The following LTBP1 variants were observed in gnomAD, a reference collection of about 807,000 sequenced individuals.
The protein encoded by LTBP1 is latent-transforming growth factor beta-binding protein 1.
Under a neutral mutation model 207.6 loss-of-function variants are expected in LTBP1, and 129 were observed. That is an observed-to-expected ratio of 0.62 (90% CI 0.54 to 0.72). The LOEUF is 0.72. Among genes scored for constraint, LTBP1 ranks in the 30% least tolerant of loss-of-function variants. The pLI is 0.00. For missense variants in LTBP1, 2,281 were observed against 2,217.2 expected (o/e 1.03, Z -0.58); for synonymous variants, 963 against 833.7 (o/e 1.16, Z -2.67).
intron 10 of LTBP1, among the ~76,000 whole-genome samples, chr2:33,251,640 C>T (rs150914833): frequency 0.037 from 4,825 of 129,118 alleles, 299 homozygotes; most frequent in African/African-American, 0.14. Context: ...ACTCCGGCCT[C>T]GGCAACAGAG....
chr2:33,227,845 G>A (rs207461623), intron 9 of LTBP1, among the ~76,000 whole-genome samples: 1 of 114,112 alleles, frequency 8.8e-6, no homozygotes, highest in Non-Finnish European at 1.6e-5. Flanking sequence ...TCGCTCTGTC[G>A]CCAGGCTGGA....
intron 5 of LTBP1, among the ~76,000 whole-genome samples, chr2:33,173,443 A>G (rs2085679329): frequency 6.6e-6 from 1 of 152,340 alleles, no homozygotes; most frequent in East Asian, 1.9e-4. Flanking sequence ...CACCCTCCCA[A>G]GACTAAACCA....
intron 5 of LTBP1, among the ~76,000 whole-genome samples, chr2:33,160,256 G>A (rs1295007700): frequency 6.6e-6 from 1 of 152,168 alleles, no homozygotes; most frequent in Admixed American, 6.5e-5. Flanking sequence ...TTCCATTTCT[G>A]TAGCCACGAA....
At chr2:33,188,427 C>CAAAAAAAAAAAA (rs577171233) in intron 6 of LTBP1, 150 bp from the exon 7 acceptor site, 143 of 349,738 alleles carry the variant, frequency 4.1e-4, no homozygotes, top group South Asian at 1.3e-3. Context: ...AACTCCATCT[C>CAAAAAAAAAAAA]AAAAAAAAAA....
chr2:32,949,607 C>T (rs1432772891), intron 2 of LTBP1, among the ~76,000 whole-genome samples: 2 of 152,220 alleles, frequency 1.3e-5, no homozygotes, highest in Non-Finnish European at 2.9e-5. Flanking sequence ...AATTAAAGAT[C>T]AGATTAAAAT....
intron 9 of LTBP1, among the ~76,000 whole-genome samples, chr2:33,228,897 C>T (rs2091621757): frequency 6.6e-6 from 1 of 151,688 alleles, no homozygotes; most frequent in South Asian, 2.1e-4. Flanking sequence ...GACAGGGTTT[C>T]ACCATGTTTG....
At chr2:33,157,884 G>C (rs1163386415) in intron 5 of LTBP1, among the ~76,000 whole-genome samples, 1 of 152,140 alleles carries the variant, frequency 6.6e-6, no homozygotes, top group African/African-American at 2.4e-5. Flanking sequence ...GTTCATGCCT[G>C]TAATCCCAGC....
intron 5 of LTBP1, among the ~76,000 whole-genome samples, chr2:33,135,515 T>A (rs1053608020): frequency 2.0e-5 from 3 of 152,194 alleles, no homozygotes; most frequent in African/African-American, 7.2e-5. Flanking sequence ...TATAAATTGA[T>A]ATATAACGTG....
At chr2:33,199,539 G>A (rs1317800600) in intron 7 of LTBP1, among the ~76,000 whole-genome samples, 1 of 152,150 alleles carries the variant, frequency 6.6e-6, no homozygotes, top group African/African-American at 2.4e-5. Flanking sequence ...GCAAAAACTG[G>A]AAGCATTCCC....
intron 1 of LTBP1, among the ~76,000 whole-genome samples, chr2:32,948,430 G>A (rs1676604989): frequency 6.6e-6 from 1 of 152,128 alleles, no homozygotes; most frequent in Non-Finnish European, 1.5e-5. Flanking sequence ...CTCAGGTTGG[G>A]GTGTAGGGGA....
intron 9 of LTBP1, among the ~76,000 whole-genome samples, chr2:33,239,902 T>TTAAATAAATAAATAAA (rs56284447): frequency 1.5e-4 from 22 of 144,252 alleles, no homozygotes; most frequent in African/African-American, 2.0e-4. Context: ...AGACTCCATC[T>TTAAATAAATAAATAAA]TAAATAAATA....
chr2:33,086,847 G>C (rs1316842678), intron 3 of LTBP1, among the ~76,000 whole-genome samples: 2 of 151,856 alleles, frequency 1.3e-5, no homozygotes, highest in African/African-American at 4.8e-5. Flanking sequence ...TTTTGGCAAA[G>C]GAAAATAAAC....
intron 15 of LTBP1, among the ~76,000 whole-genome samples, chr2:33,265,334 C>G (rs1244558537): frequency 2.6e-5 from 4 of 152,134 alleles, no homozygotes; most frequent in Non-Finnish European, 2.9e-5. Flanking sequence ...CCCAGTAATT[C>G]TATTTTAAGA....
At chr2:32,961,291 C>G (rs544873466) in intron 2 of LTBP1, among the ~76,000 whole-genome samples, 4 of 152,302 alleles carry the variant, frequency 2.6e-5, no homozygotes, top group African/African-American at 9.6e-5. Flanking sequence ...GCAAGACCCT[C>G]AGCAGGGAGC....
intron 2 of LTBP1, among the ~76,000 whole-genome samples, chr2:33,015,779 G>A (rs908057461): frequency 4.6e-5 from 7 of 152,148 alleles, no homozygotes; most frequent in Admixed American, 6.6e-5. Flanking sequence ...GGGAGGCCTC[G>A]GGAAACTTCC....
chr2:33,191,158 C>G (rs1255972173), intron 7 of LTBP1, among the ~76,000 whole-genome samples: 2 of 152,102 alleles, frequency 1.3e-5, no homozygotes, highest in Non-Finnish European at 2.9e-5. Context: ...CAAGTTGGAA[C>G]ACAGATGATA....
intron 5 of LTBP1, among the ~76,000 whole-genome samples, chr2:33,138,848 CTTTTTTTTTT>C (rs71409603): frequency 5.4e-4 from 42 of 77,672 alleles, no homozygotes; most frequent in Middle Eastern, 0.032. Context: ...AGTATGTTCT[CTTTTTTTTTT>C]TTTTTTTTTT....
chr2:33,129,990 A>G (rs1312794244), intron 4 of LTBP1, among the ~76,000 whole-genome samples: 1 of 152,228 alleles, frequency 6.6e-6, no homozygotes, highest in Non-Finnish European at 1.5e-5. Context: ...TTTTATTTAC[A>G]TAGCACCTTT....
chr2:32,961,256 G>A (rs906943959), intron 2 of LTBP1, among the ~76,000 whole-genome samples: 9 of 152,140 alleles, frequency 5.9e-5, no homozygotes, highest in Non-Finnish European at 7.3e-5. Context: ...GGACCTCCGG[G>A]TCTCTGCCGA....
Sources: allele counts gnomAD v4.1 joint callset (sites outside exome capture counted in the v4.1 genomes callset), GRCh38; gene constraint gnomAD v4.1.1; transcripts MANE v1.5; gene names NCBI Gene and HGNC (gene_info 2026-07-23, HGNC 2026-07-21).